Variants in NEK11 observed in about 807,000 individuals in gnomAD.
NEK11 encodes NIMA related kinase 11.
NEK11 carries 72 observed loss-of-function variants against 80.7 expected under a neutral mutation model. The ratio of observed to expected loss-of-function variants is 0.89; its 90% CI spans 0.74 to 1.08. The LOEUF (loss-of-function observed/expected upper bound fraction) is 1.08. NEK11 is among the 50% of genes least tolerant of loss of function. The pLI is 0.00. For synonymous variants in NEK11, 251 were observed against 260.7 expected (o/e 0.96, Z 0.36); for missense variants, 764 against 763.6 (o/e 1.00, Z -0.01).
At chr3:131,154,505 G>A (rs891882511) in intron 9 of NEK11, among the ~76,000 whole-genome samples, 2 of 152,100 alleles carry the variant, frequency 1.3e-5, no homozygotes, top group Non-Finnish European at 2.9e-5. Context: ...TAAGTGAGGT[G>A]GAATTGTGCA....
At chr3:131,267,076 G>A (rs1416418114) in intron 16 of NEK11, among the ~76,000 whole-genome samples, 2 of 152,108 alleles carry the variant, frequency 1.3e-5, no homozygotes, top group East Asian at 1.9e-4. Flanking sequence ...TTGAGCCTAT[G>A]TGTGTCTCTG....
At chr3:131,144,081 A>G (rs1244645968) in intron 7 of NEK11, among the ~76,000 whole-genome samples, 1 of 152,136 alleles carries the variant, frequency 6.6e-6, no homozygotes, top group Non-Finnish European at 1.5e-5. Flanking sequence ...AAATTTAGTT[A>G]CCTTAAGACA....
intron 5 of NEK11, among the ~76,000 whole-genome samples, chr3:131,119,315 T>G (rs1240605922): frequency 6.6e-6 from 1 of 152,216 alleles, no homozygotes; most frequent in Non-Finnish European, 1.5e-5. Flanking sequence ...TCTAGTTTGA[T>G]TGCACGGTGG....
At chr3:131,099,517 GT>G (rs2078033765) in intron 4 of NEK11, among the ~76,000 whole-genome samples, 1 of 152,184 alleles carries the variant, frequency 6.6e-6, no homozygotes, top group Non-Finnish European at 1.5e-5. Flanking sequence ...GATGCTGGTA[GT>G]TTGATAGGAA....
chr3:131,291,261 A>C (rs1284692655), intron 17 of NEK11, among the ~76,000 whole-genome samples: 2 of 152,182 alleles, frequency 1.3e-5, no homozygotes, highest in African/African-American at 4.8e-5. Context: ...ATGGCTTAAT[A>C]GGTTATTTCT....
intron 3 of NEK11, among the ~76,000 whole-genome samples, chr3:131,043,145 C>T (rs1244559594): frequency 1.3e-5 from 2 of 152,118 alleles, no homozygotes; most frequent in African/African-American, 2.4e-5. Flanking sequence ...GGTAAATCCA[C>T]GAAGATGAGG....
intron 16 of NEK11, among the ~76,000 whole-genome samples, chr3:131,266,129 C>T (rs148144083): frequency 0.018 from 2,711 of 152,088 alleles, 79 homozygotes; most frequent in African/African-American, 0.061. Flanking sequence ...GTCTGGCTAG[C>T]AGTATATCTA....
chr3:131,297,822 T>A (rs2096613458), intron 17 of NEK11, among the ~76,000 whole-genome samples: 1 of 152,204 alleles, frequency 6.6e-6, no homozygotes, highest in Non-Finnish European at 1.5e-5. Context: ...CTTTAATCCA[T>A]CTTGAATTAA....
At chr3:131,042,570 T>A (rs1439498190) in intron 3 of NEK11, among the ~76,000 whole-genome samples, 4 of 152,148 alleles carry the variant, frequency 2.6e-5, no homozygotes, top group African/African-American at 9.7e-5. Flanking sequence ...AGATTCCTCC[T>A]CTCTGGCAGG....
intron 13 of NEK11, among the ~76,000 whole-genome samples, chr3:131,170,299 T>C (rs1579502508): frequency 6.6e-6 from 1 of 152,220 alleles, no homozygotes; most frequent in Admixed American, 6.5e-5. Context: ...GTCTCTTAGA[T>C]CTTTTTCTTT....
At chr3:131,115,098 T>C (rs2149391113) in intron 5 of NEK11, among the ~76,000 whole-genome samples, 1 of 152,300 alleles carries the variant, frequency 6.6e-6, no homozygotes, top group South Asian at 2.1e-4. Flanking sequence ...GTAAAGTAGA[T>C]TGCCCTCCAC....
At chr3:131,320,551 G>T (rs1379831652) in intron 17 of NEK11, among the ~76,000 whole-genome samples, 1 of 151,972 alleles carries the variant, frequency 6.6e-6, no homozygotes, top group Non-Finnish European at 1.5e-5. Context: ...AGGAAAGACA[G>T]CTGTAGCCTG....
At chr3:131,175,991 G>A (rs1035220669) in intron 14 of NEK11, among the ~76,000 whole-genome samples, 8 of 152,156 alleles carry the variant, frequency 5.3e-5, no homozygotes. Context: ...GCTGAACAAC[G>A]TTGTCTTCCA....
chr3:131,274,816 G>A (rs1468443034), intron 17 of NEK11, among the ~76,000 whole-genome samples: 1 of 151,010 alleles, frequency 6.6e-6, no homozygotes, highest in Admixed American at 6.6e-5. Flanking sequence ...ACCGCGCCTG[G>A]CTAATTTTTT....
intron 4 of NEK11, among the ~76,000 whole-genome samples, chr3:131,091,818 G>A (rs1042423382): frequency 1.3e-5 from 2 of 152,116 alleles, no homozygotes; most frequent in African/African-American, 2.4e-5. Flanking sequence ...CTTGAATTGG[G>A]CAAACTTCAG....
At chr3:131,169,088 AG>A in intron 13 of NEK11, 151 bp downstream of exon 13, 2 of 555,842 alleles carry the variant, frequency 3.6e-6, no homozygotes, top group South Asian at 5.7e-5. Context: ...GAGCTGAAAA[AG>A]ATGAAATAAA....
chr3:131,288,438 A>C (rs1581439570), intron 17 of NEK11, among the ~76,000 whole-genome samples: 2 of 102,184 alleles, frequency 2.0e-5, no homozygotes, highest in Non-Finnish European at 3.8e-5. Context: ...TATGGTATGC[A>C]TTTCTTTCTT....
intron 17 of NEK11, among the ~76,000 whole-genome samples, chr3:131,274,393 A>G (rs1294935984): frequency 7.0e-6 from 1 of 142,708 alleles, no homozygotes; most frequent in African/African-American, 2.9e-5. Context: ...AGTCTTTGCT[A>G]TTGTGAGTAG....
chr3:131,037,280 C>T lies in NEK11; in HGVS notation c.170+7402C>T, dbSNP rs541505248. 3.1e-4 allele frequency among the ~76,000 whole-genome samples: 42 copies of T among 137,382 alleles called. 1 individual carries two copies. In the South Asian group the frequency reaches 0.01, roughly 33 times the overall value. 90.1% of individuals were successfully genotyped at this position (137,382 alleles called of 152,430 possible). ...CACTGTAGTAATTAGATAAAAAGAA[C>T]TTCATCCATTTTTTTTTTTTTTGAG... On this transcript the variant is annotated intron_variant, in intron 3 of 17. Transcript: ENST00000383366.
Sources: gnomAD v4.1 joint callset for allele counts (sites outside exome capture counted in the v4.1 genomes callset) on GRCh38, gnomAD v4.1.1 for gene constraint, MANE v1.5 for transcripts, NCBI Gene and HGNC (gene_info 2026-07-23, HGNC 2026-07-21) for gene names.